The following USH2A variants were observed in gnomAD, a reference collection of about 807,000 sequenced individuals.
USH2A encodes usherin, also known as Usher syndrome 2A (autosomal recessive, mild).
A neutral mutation model predicts 538.9 loss-of-function variants in USH2A; 443 were observed. That is an observed-to-expected ratio of 0.82 (90% CI 0.76 to 0.89). USH2A has a LOEUF of 0.89. Among genes scored for constraint, USH2A ranks in the 40% least tolerant of loss-of-function variants. The pLI, the probability that USH2A is intolerant of heterozygous loss-of-function variation, is 0.00. For missense variants in USH2A, 6,633 were observed against 6,324.8 expected (o/e 1.05, Z -1.65); for synonymous variants, 2,413 against 2,273.5 (o/e 1.06, Z -1.75).
intron 61 of USH2A, among the ~76,000 whole-genome samples, chr1:215,683,135 C>A (rs1045781491): frequency 6.6e-6 from 1 of 151,890 alleles, no homozygotes; most frequent in African/African-American, 2.4e-5. Context: ...CACCCTTCTG[C>A]CTTGGCTGCG....
intron 4 of USH2A, among the ~76,000 whole-genome samples, chr1:216,357,333 C>A (rs999430084): frequency 2.0e-5 from 3 of 152,026 alleles, no homozygotes; most frequent in African/African-American, 7.2e-5. Context: ...TCAATACTTT[C>A]TAAGCTTTTT....
chr1:215,926,429 G>A (rs1165740250), intron 38 of USH2A, among the ~76,000 whole-genome samples: 1 of 151,920 alleles, frequency 6.6e-6, no homozygotes, highest in East Asian at 1.9e-4. Flanking sequence ...TCAATTGAAG[G>A]GATATAATCA....
chr1:215,778,673 C>T (rs1661535731), intron 55 of USH2A, among the ~76,000 whole-genome samples: 1 of 152,046 alleles, frequency 6.6e-6, no homozygotes, highest in African/African-American at 2.4e-5. Context: ...AAAGTGCAGT[C>T]CAATGGAAGG....
chr1:215,656,876 A>C (rs1395387761), intron 64 of USH2A, among the ~76,000 whole-genome samples: 1 of 152,260 alleles, frequency 6.6e-6, no homozygotes, highest in Non-Finnish European at 1.5e-5. Context: ...AACAATTCAC[A>C]TCAGAAATAA....
intron 37 of USH2A, among the ~76,000 whole-genome samples, chr1:215,942,233 C>T (rs1305082032): frequency 6.6e-6 from 1 of 152,130 alleles, no homozygotes; most frequent in Non-Finnish European, 1.5e-5. Flanking sequence ...CTGGCGTTCA[C>T]CCTCATTTCT....
At chr1:216,046,314 A>T in intron 32 of USH2A, 117 bp downstream of exon 32, 1 of 1,098,168 alleles carries the variant, frequency 9.1e-7, no homozygotes, top group Non-Finnish European at 1.3e-6. Context: ...CATATTTCCT[A>T]AGCATTCTTG....
intron 49 of USH2A, among the ~76,000 whole-genome samples, chr1:215,806,473 C>T (rs1662503758): frequency 6.6e-6 from 1 of 152,052 alleles, no homozygotes; most frequent in Non-Finnish European, 1.5e-5. Context: ...CTCCAAGATC[C>T]TCTGGGGCAA....
At chr1:216,027,220 C>A (rs1296598123) in intron 32 of USH2A, among the ~76,000 whole-genome samples, 2 of 152,014 alleles carry the variant, frequency 1.3e-5, no homozygotes, top group African/African-American at 4.8e-5. Context: ...CGGACAGATG[C>A]CCTTATAAGA....
rs1360258103 is a variant in USH2A, at chr1:216,247,199, C to A, written c.2195G>T (p.Gly732Val). 1.2e-6 allele frequency: 2 copies of A among 1,613,824 alleles called. No individual in the cohort carries two copies. Among genetic ancestry groups the A allele is most frequent in the Middle Eastern group, 1.7e-4 (1 of 6,056 alleles). ...IGLRCDHCNFGFKFLRSFNDV... is the reference protein window; with the variant it reads ...IGLRCDHCNFVFKFLRSFNDV... ...ATTAAAGCTTCGGAGAAATTTAAAT[C>A]CAAAATTGCAATGATCACACCTAAG... The change falls in exon 13 of 72, where the codon GGA becomes GTA. Residue 732 changes from glycine to valine, a missense_variant. Coordinates refer to ENST00000307340, the MANE Select transcript of USH2A (RefSeq NM_206933.4).
At chr1:215,840,520 T>C (rs1663649508) in intron 46 of USH2A, among the ~76,000 whole-genome samples, 1 of 152,200 alleles carries the variant, frequency 6.6e-6, no homozygotes, top group Non-Finnish European at 1.5e-5. Context: ...TTTTCATCTG[T>C]TTCCACTCTC....
chr1:215,875,354 C>A (rs1308529588), intron 43 of USH2A, among the ~76,000 whole-genome samples: 1 of 151,788 alleles, frequency 6.6e-6, no homozygotes, highest in Non-Finnish European at 1.5e-5. Flanking sequence ...AAAATCTGTG[C>A]AAGTACTACC....
At chr1:216,083,680 C>G in intron 25 of USH2A, 94 bp from the exon 26 acceptor site, 1 of 1,228,518 alleles carries the variant, frequency 8.1e-7, no homozygotes. Flanking sequence ...CAGTCTGCCA[C>G]TGAGTAAATC....
rs151185727 is a variant in USH2A at position 215,871,145 on chromosome 1, G to C, written c.8682-3975C>G. On this transcript the variant is annotated intron_variant, in intron 43 of 71. Coordinates refer to ENST00000307340, the MANE Select transcript of USH2A (RefSeq NM_206933.4). ...ACAATAGTTTTTCCCCCATTTGCTT[G>C]AGACCATCCTCCGGTCTCTCCCTCC... 4.1e-3 allele frequency among the ~76,000 whole-genome samples: 618 copies of C among 152,178 alleles called. 4 individuals are homozygous for C. Among genetic ancestry groups the C allele is most frequent in the Middle Eastern group, 0.01 (3 of 294 alleles).
chr1:215,775,056 T>C (rs1661423535), intron 55 of USH2A, among the ~76,000 whole-genome samples: 1 of 152,156 alleles, frequency 6.6e-6, no homozygotes. Flanking sequence ...GAATGCAGCC[T>C]GGAGCATTGC....
chr1:216,368,431 T>C (rs2038640443), intron 3 of USH2A, among the ~76,000 whole-genome samples: 1 of 152,162 alleles, frequency 6.6e-6, no homozygotes, highest in African/African-American at 2.4e-5. Flanking sequence ...CCATCAGAAC[T>C]AAAAGAAACT....
chr1:215,938,347 A>G (rs1461915263), intron 37 of USH2A, among the ~76,000 whole-genome samples: 2 of 151,926 alleles, frequency 1.3e-5, no homozygotes, highest in Non-Finnish European at 2.9e-5. Context: ...CTCTTCCTCC[A>G]TTTCACTCTC....
At chr1:216,421,307 G>T (rs1332078686) in intron 2 of USH2A, among the ~76,000 whole-genome samples, 3 of 152,068 alleles carry the variant, frequency 2.0e-5, no homozygotes, top group African/African-American at 7.2e-5. Context: ...AAAGCTATAT[G>T]TTTTTAGAGA....
At chr1:215,806,005 ACAAACTGAC>A in intron 49 of USH2A, among the ~76,000 whole-genome samples, 1 of 147,224 alleles carries the variant, frequency 6.8e-6, no homozygotes. Context: ...AAAAAAAAGG[ACAAACTGAC>A]AAAACAGCAC....
At chr1:216,418,265 A>G (rs1286401673) in intron 3 of USH2A, among the ~76,000 whole-genome samples, 1 of 152,152 alleles carries the variant, frequency 6.6e-6, no homozygotes, top group Non-Finnish European at 1.5e-5. Flanking sequence ...GGATATTACA[A>G]TTACAGATAG....
Sources: gnomAD v4.1 joint callset for allele counts (sites outside exome capture counted in the v4.1 genomes callset) on GRCh38, gnomAD v4.1.1 for gene constraint, MANE v1.5 for transcripts, NCBI Gene and HGNC (gene_info 2026-07-23, HGNC 2026-07-21) for gene names.